The following ASTN1 variants were observed in gnomAD, a reference collection of about 807,000 sequenced individuals.
ASTN1 encodes astrotactin 1.
Under a neutral mutation model 140.7 loss-of-function variants are expected in ASTN1, and 41 were observed. That is an observed-to-expected ratio of 0.29 (90% confidence interval 0.23 to 0.38). ASTN1 has a LOEUF of 0.38. ASTN1 is among the 10% of genes least tolerant of loss of function. The pLI, the probability that ASTN1 is intolerant of heterozygous loss-of-function variation, is 1.00. For missense variants in ASTN1, 1,479 were observed against 1,678.8 expected (o/e 0.88, Z 2.08); for synonymous variants, 640 against 652.2 (o/e 0.98, Z 0.29).
chr1:176,945,697 A>G (rs1296070290), intron 13 of ASTN1, among the ~76,000 whole-genome samples: 1 of 152,240 alleles, frequency 6.6e-6, no homozygotes, highest in Non-Finnish European at 1.5e-5. Flanking sequence ...GCCTGGGCAA[A>G]GTAAAATCTC....
At chr1:177,098,100 G>A (rs189551027) in intron 1 of ASTN1, among the ~76,000 whole-genome samples, 2 of 152,286 alleles carry the variant, frequency 1.3e-5, no homozygotes, top group East Asian at 3.9e-4. Context: ...AGAGGGTTGT[G>A]GGAAATCTTC....
At chr1:177,133,602 C>A (rs1037055159) in intron 1 of ASTN1, among the ~76,000 whole-genome samples, 2 of 152,172 alleles carry the variant, frequency 1.3e-5, no homozygotes, top group Admixed American at 6.6e-5. Flanking sequence ...ACACTGATAT[C>A]ATCAGAGCAA....
intron 16 of ASTN1, among the ~76,000 whole-genome samples, chr1:176,921,997 T>C (rs1380481970): frequency 6.6e-6 from 1 of 152,166 alleles, no homozygotes; most frequent in African/African-American, 2.4e-5. Context: ...ATGCTGTACA[T>C]GGTAAAATGC....
At chr1:177,102,476 G>A (rs762150797) in intron 1 of ASTN1, among the ~76,000 whole-genome samples, 1 of 152,104 alleles carries the variant, frequency 6.6e-6, no homozygotes, top group Non-Finnish European at 1.5e-5. Flanking sequence ...TTGCAGAAAT[G>A]TCTGCATTCC....
chr1:176,899,066 T>C (rs943449661), intron 16 of ASTN1, among the ~76,000 whole-genome samples: 2 of 152,206 alleles, frequency 1.3e-5, no homozygotes, highest in Admixed American at 6.5e-5. Context: ...GACACTTCAG[T>C]TTCTTACAAA....
Position 176,876,537 on chromosome 1 carries a change from C to T in ASTN1, c.3463G>A (p.Glu1155Lys). Residue 1155 changes from glutamate to lysine, a missense_variant and splice_region_variant, in exon 21 of 23, where the codon GAA becomes AAA. By Grantham distance (56) the Glu-to-Lys change is moderately conservative. This residue lies in a region of ASTN1 where 746 missense variants were observed against 800.9 expected (regional missense o/e 0.93). Coordinates refer to ENST00000361833, the MANE Select transcript of ASTN1 (RefSeq NM_004319.3). ...CACTGCTAACTTCGATGTCTCTTAC[C>T]TTGAGCCTTGACATCATCCACCACG... ...CPVVDDVKAQ[E>K]IADKIYNLFN... 6.2e-7 allele frequency: 1 copy of T among 1,614,146 alleles called. No homozygotes were observed. Among genetic ancestry groups the T allele is most frequent in the South Asian group, 1.1e-5 (1 of 91,080 alleles).
At chr1:177,057,461 G>A (rs985426631) in intron 2 of ASTN1, among the ~76,000 whole-genome samples, 15 of 152,114 alleles carry the variant, frequency 9.9e-5, no homozygotes, top group Non-Finnish European at 1.5e-4. Context: ...AGTGGTCTCT[G>A]CATTGAGGAA....
intron 2 of ASTN1, among the ~76,000 whole-genome samples, chr1:177,035,930 G>T (rs577771312): frequency 1.3e-5 from 2 of 151,002 alleles, no homozygotes; most frequent in South Asian, 4.3e-4. Context: ...TAGAACAGAA[G>T]ATTTGTTTTG....
At chr1:176,951,798 T>C (rs192458667) in intron 11 of ASTN1, among the ~76,000 whole-genome samples, 4 of 152,356 alleles carry the variant, frequency 2.6e-5, no homozygotes, top group Non-Finnish European at 4.4e-5. Context: ...GTCCAGGTTT[T>C]TTATTTTTTT....
At chr1:176,921,986 G>A (rs1670743921) in intron 16 of ASTN1, among the ~76,000 whole-genome samples, 1 of 152,190 alleles carries the variant, frequency 6.6e-6, no homozygotes, top group Non-Finnish European at 1.5e-5. Flanking sequence ...CTGCTTGCTA[G>A]ATGCTGTACA....
intron 16 of ASTN1, among the ~76,000 whole-genome samples, chr1:176,903,403 C>T (rs986760433): frequency 2.6e-5 from 4 of 152,066 alleles, no homozygotes; most frequent in Non-Finnish European, 5.9e-5. Context: ...GCCCGGACCT[C>T]GCTGTGCCAG....
Position 177,149,256 on chromosome 1 carries a change from AAATATATATATAC to A in ASTN1, c.283+15125_283+15137del, listed in dbSNP as rs1174505005. ...TAAATATATATATACTATATATAGTAAATATATATATACTATATATAGTAAATATATATATAGT... is the reference window on the plus strand; with the variant it reads ...TAAATATATATATACTATATATAGTATATATATAGTAAATATATATATAGT... On this transcript the variant is annotated intron_variant, in intron 1 of 22. Coordinates refer to ENST00000361833, the MANE Select transcript of ASTN1 (RefSeq NM_004319.3). Among the ~76,000 whole-genome samples the A allele has an allele frequency of 1.3e-3, 130 of 99,736 alleles. 3 individuals are homozygous for A. The highest frequency in any genetic ancestry group is 5.4e-3 in the African/African-American group (123 of 22,660). 65.4% of individuals were successfully genotyped at this position (99,736 alleles called of 152,430 possible). A position where few individuals can be genotyped will look rare whatever the true frequency, so the allele number is the denominator to read the frequency against.
At chr1:177,096,209 T>C (rs1680017914) in intron 1 of ASTN1, among the ~76,000 whole-genome samples, 1 of 152,204 alleles carries the variant, frequency 6.6e-6, no homozygotes, top group South Asian at 2.1e-4. Context: ...GGTTAAATAA[T>C]ACCTTGAGTC....
intron 11 of ASTN1, 101 bp from the exon 12 acceptor site, chr1:176,949,452 T>G (rs1672099589): frequency 1.6e-6 from 2 of 1,264,778 alleles, no homozygotes; most frequent in East Asian, 5.1e-5. Context: ...GCACTCAGCC[T>G]TGAAACTATT....
chr1:176,934,982 A>G (rs1671375344), intron 15 of ASTN1, among the ~76,000 whole-genome samples: 1 of 152,198 alleles, frequency 6.6e-6, no homozygotes, highest in Non-Finnish European at 1.5e-5. Context: ...AAATAAAAGG[A>G]CTGGGAAATG....
At chr1:177,067,473 C>G (rs1306044152) in intron 1 of ASTN1, among the ~76,000 whole-genome samples, 1 of 152,072 alleles carries the variant, frequency 6.6e-6, no homozygotes, top group East Asian at 1.9e-4. Context: ...AGAAATACCC[C>G]CCTCTTCTGT....
intron 16 of ASTN1, among the ~76,000 whole-genome samples, chr1:176,905,621 C>G (rs1185918331): frequency 6.6e-6 from 1 of 152,050 alleles, no homozygotes; most frequent in Non-Finnish European, 1.5e-5. Flanking sequence ...ATGCTGCTTC[C>G]CTGCCTGCTG....
intron 14 of ASTN1, 97 bp downstream of exon 14, chr1:176,943,794 T>TA: frequency 7.1e-7 from 1 of 1,417,922 alleles, no homozygotes; most frequent in Non-Finnish European, 9.3e-7. Context: ...ATCACTGGCT[T>TA]AGAAACCAAA....
chr1:176,997,418 G>A (rs575537332), intron 8 of ASTN1, among the ~76,000 whole-genome samples: 6 of 152,070 alleles, frequency 3.9e-5, no homozygotes, highest in Admixed American at 6.5e-5. Context: ...TTCAAGTTTC[G>A]CATCTCAAAA....
Sources: gnomAD v4.1 joint callset for allele counts (sites outside exome capture counted in the v4.1 genomes callset) on GRCh38, gnomAD v4.1.1 for gene constraint, gnomAD v4.1.1 regional missense constraint, MANE v1.5 for transcripts, NCBI Gene and HGNC (gene_info 2026-07-23, HGNC 2026-07-21) for gene names.